Variants in CHTF18 observed in about 807,000 individuals in gnomAD.
CHTF18 encodes chromosome transmission fidelity protein 18 homolog.
Under a neutral mutation model 113.4 loss-of-function variants are expected in CHTF18, and 151 were observed. The observed-to-expected ratio is 1.33, with a 90% CI of 1.17 to 1.52. The LOEUF (loss-of-function observed/expected upper bound fraction) is 1.52, where lower values mean the gene tolerates loss of function less well. CHTF18 is among the 40% of genes most tolerant of loss of function. CHTF18 has a pLI of 0.00. For missense variants in CHTF18, 1,982 were observed against 1,381.6 expected, an observed-to-expected ratio of 1.43 and a Z score of -6.89; for synonymous variants, 916 against 598.8, an observed-to-expected ratio of 1.53 and a Z score of -7.74.
chr16:797,430 C>A (rs575805173), intron 20 of CHTF18, among the ~76,000 whole-genome samples: 17 of 152,214 alleles, frequency 1.1e-4, no homozygotes, highest in African/African-American at 3.4e-4. Context: ...CAGCTCCTTA[C>A]CCTCAGCATG....
At chr16:791,070 C>A in intron 7 of CHTF18, 91 bp from the exon 8 acceptor site, 1 of 1,514,154 alleles carries the variant, frequency 6.6e-7, no homozygotes, top group South Asian at 1.2e-5. Flanking sequence ...CTTGGCATCC[C>A]ATGGGGCATG....
rs1301752707 is a variant in CHTF18, at chr16:791,727, G to A, written c.1105-124G>A. 2.4e-5 allele frequency: 35 copies of A among 1,448,614 alleles called. No homozygotes were observed. The South Asian group carries it at 4.6e-4, about 19-fold the overall frequency. 89.7% of individuals were successfully genotyped at this position (1,448,614 alleles called of 1,614,324 possible). On this transcript the variant is annotated intron_variant, in intron 8 of 21. Transcript: ENST00000262315. ...AAAGTGCTCAATTTTGTTCTTATTT[G>A]ATGGCTGGAGTGGGGTGGAGGGAGC...
At chr16:794,733 C>A (rs953105578) in intron 15 of CHTF18, 2 of 245,440 alleles carry the variant, frequency 8.1e-6, no homozygotes, top group South Asian at 6.8e-5. Context: ...GACTCCCCCA[C>A]GGAACAGGGG....
rs1463885524 is a variant in CHTF18, at chr16:792,817, TGGAGCCCCA to T, written c.1572+13_1572+21del. On this transcript the variant is annotated splice_region_variant and intron_variant, in intron 12 of 21. Transcript: ENST00000262315. The stretch of plus-strand genomic sequence containing the variant: ...TGGTGCAGCGGCTCCAGGAGGTCGG[TGGAGCCCCA>T]GGAGCCGTGTGGCTGATGGCGGGGT... 1 of 1,539,678 alleles carries T rather than the reference TGGAGCCCCA, an allele frequency of 6.5e-7. No individual in the cohort carries two copies. The highest frequency in any genetic ancestry group is 8.7e-7 in the Non-Finnish European group (1 of 1,146,706).
In CHTF18 at chr16:788,628, C is replaced by A. The variant is rs1210892328; in HGVS notation, c.-57C>A. 1 of 1,373,264 alleles carries A rather than the reference C, an allele frequency of 7.3e-7. No homozygotes were observed. The highest frequency in any genetic ancestry group is 1.6e-5 in the South Asian group (1 of 64,354). The allele number at this position is 1,373,264 out of a possible 1,614,324, so 85.1% of individuals were successfully genotyped here. On this transcript the variant is annotated 5_prime_UTR_variant, in exon 1 of 22. Coordinates refer to ENST00000262315, the MANE Select transcript of CHTF18 (RefSeq NM_022092.3). The stretch of plus-strand genomic sequence containing the variant: ...CCCGGCACGCTCGGGGCGGGCAGTG[C>A]GCGACGGCGGCGGCGGCGCGGGAGG...
chr16:792,680 C>T, intron 11 of CHTF18, 38 bp from the exon 12 acceptor site: 6 of 1,583,404 alleles, frequency 3.8e-6, no homozygotes, highest in South Asian at 1.1e-5. Flanking sequence ...GGCTGTGGTG[C>T]CAACCCTGGG....
At position 795,808 on chromosome 16, in the gene CHTF18, G is replaced by A; in HGVS notation, c.2299G>A (p.Asp767Asn). Residue 767 changes from aspartate (D) to asparagine (N), a missense_variant, in exon 17 of 22, where the codon GAC (aspartate) becomes AAC (asparagine). Physicochemically the swap from Asp to Asn is conservative, Grantham distance 23. Coordinates refer to ENST00000262315, the MANE Select transcript of CHTF18 (RefSeq NM_022092.3). ...LLLDALCLLL[D>N]ILAPKLRPVS... ...CCTCGATGCCCTCTGCCTGCTCCTG[G>A]ACATTCTTGCACCCAAGCTCCGCCC... 1 of 1,609,954 alleles carries A rather than the reference G, an allele frequency of 6.2e-7. No homozygotes were observed. Among genetic ancestry groups the A allele is most frequent in the Non-Finnish European group, 8.5e-7 (1 of 1,179,048 alleles).
At chr16:793,321 C>A (rs561646862) in intron 14 of CHTF18, 47 bp downstream of exon 14, 2 of 1,593,480 alleles carry the variant, frequency 1.3e-6, no homozygotes, top group Non-Finnish European at 1.7e-6. Flanking sequence ...GGTGCCCGGA[C>A]CTCAGGACGC....
At chr16:790,839 G>A in intron 7 of CHTF18, 173 bp downstream of exon 7, 2 of 1,431,492 alleles carry the variant, frequency 1.4e-6, no homozygotes, top group Admixed American at 2.9e-5. Context: ...GTGTGCTACT[G>A]GTCCCCTGTG....
At position 795,112 on chromosome 16, in the gene CHTF18, G is replaced by C; in HGVS notation, c.1951-20G>C. The C allele has an allele frequency of 6.5e-7, 1 of 1,530,722 alleles. No individual in the cohort carries two copies. The highest frequency in any genetic ancestry group is 8.8e-7 in the Non-Finnish European group (1 of 1,136,452). The allele number at this position is 1,530,722 out of a possible 1,614,324, so 94.8% of individuals were successfully genotyped here. ...TTCCCTGGGGTGGGCAGGAGCTCAGGGGTTGCCGGCCGCCTGCAGGGCTTG... is the reference window on the plus strand; with the variant it reads ...TTCCCTGGGGTGGGCAGGAGCTCAGCGGTTGCCGGCCGCCTGCAGGGCTTG... On this transcript the variant is annotated intron_variant, in intron 15 of 21. Transcript: ENST00000262315.
Position 797,992 on chromosome 16 carries a change from C to A in CHTF18, c.*17C>A. 1 of 1,601,226 alleles carries A rather than the reference C, an allele frequency of 6.2e-7. No homozygotes were observed. The highest frequency in any genetic ancestry group is 8.5e-7 in the Non-Finnish European group (1 of 1,172,822). On this transcript the variant is annotated 3_prime_UTR_variant, in exon 22 of 22. Transcript: ENST00000262315. ...TTGCTCTAGTTCTCTGAGCCGCGGA[C>A]ATGCCCTCGCATTGCTTCCCGCAGA...
Position 792,364 on chromosome 16 carries a change from C to A in CHTF18, c.1326+17C>A. 6.4e-7 allele frequency: 1 copy of A among 1,559,032 alleles called. No homozygotes were observed. The highest frequency in any genetic ancestry group is 2.4e-5 in the East Asian group (1 of 41,286). ...GCCCCCGTGGTGGGCTCCTTGATGC[C>A]TGGGTAGGTGGGTGGGCGGGCAGGC... On this transcript the variant is annotated intron_variant, in intron 10 of 21. Transcript: ENST00000262315.
In CHTF18 at chr16:790,019, G is replaced by C. The variant is rs761085603; in HGVS notation, c.607-158G>C. The C allele has an allele frequency of 2.0e-5, 30 of 1,535,468 alleles. No homozygotes were observed. In the South Asian group the frequency reaches 3.6e-4, roughly 18 times the overall value. On this transcript the variant is annotated intron_variant, in intron 4 of 21. Transcript: ENST00000262315. ...TTTCCCTTTGCAGCTGACCCATCTG[G>C]ATGGCTTCATTCCTTTGGCACCCCT...
At chr16:790,003 G>T in intron 4 of CHTF18, 174 bp from the exon 5 acceptor site, 1 of 1,535,356 alleles carries the variant, frequency 6.5e-7, no homozygotes, top group Non-Finnish European at 8.7e-7. Flanking sequence ...ATTTCCCTTT[G>T]CAGCTGACCC....
Position 792,474 on chromosome 16 carries a change from C to T in CHTF18, c.1362C>T (p.Arg454=), listed in dbSNP as rs1278921301. ...ACGTCCTCCTGAGCATCCTGAACCG[C>T]AAGGGGCCACAGGAGGTGGGGCCAC... ...AINVLLSILN[R]KGPQEVGPQG... Residue 454 remains arginine (R), a synonymous_variant, in exon 11 of 22, where the codon CGC becomes CGT. Transcript: ENST00000262315. The T allele has an allele frequency of 6.3e-7, 1 of 1,582,624 alleles. No homozygotes were observed. The highest frequency in any genetic ancestry group is 8.6e-7 in the Non-Finnish European group (1 of 1,164,938).
At chr16:793,724 G>T (rs1048318165) in intron 14 of CHTF18, 10 of 646,456 alleles carry the variant, frequency 1.5e-5, no homozygotes, top group Admixed American at 1.5e-4. Flanking sequence ...TGGTCGTGCT[G>T]CAGGATATGG....
In CHTF18 at chr16:793,171, C is replaced by T. The variant is rs776793868; in HGVS notation, c.1699C>T (p.Leu567=). ...CCTGTACAGCCGGGGCCAGCGGGAG[C>T]TGAGCGTGCGGGACGTGCAGGCCAC... The part of the protein sequence containing the change: ...QFLYSRGQRE[L]SVRDVQATRV... The change falls in exon 14 of 22, where the codon CTG becomes TTG. Residue 567 remains leucine, a synonymous_variant. Coordinates refer to ENST00000262315, the MANE Select transcript of CHTF18 (RefSeq NM_022092.3). 2.2e-5 allele frequency: 36 copies of T among 1,606,334 alleles called. 1 individual carries two copies. The African/African-American group carries it at 3.9e-4, about 17-fold the overall frequency.
Position 792,549 on chromosome 16 carries a change from G to A in CHTF18, c.1437G>A (p.Gly479=), listed in dbSNP as rs749549285. ...GCGGCCGACGGCGCCGGGCAGAGGG[G>A]GGGCTCCTCATGAGGCCCATTATCT... The part of the protein sequence containing the change: ...SGGGRRRRAE[G]GLLMRPIICI... Residue 479 remains glycine, a synonymous_variant, in exon 11 of 22, where the codon GGG becomes GGA. Transcript: ENST00000262315. The A allele has an allele frequency of 1.9e-6, 3 of 1,596,656 alleles. No homozygotes were observed. The highest frequency in any genetic ancestry group is 1.4e-5 in the African/African-American group (1 of 73,776).
At chr16:793,892 C>T (rs573056344) in intron 14 of CHTF18, 162 bp from the exon 15 acceptor site, 109 of 737,260 alleles carry the variant, frequency 1.5e-4, no homozygotes, top group African/African-American at 1.2e-3. Flanking sequence ...GAGGTCCGGG[C>T]GTGTCTTTGG....
Sources: allele counts gnomAD v4.1 joint callset (sites outside exome capture counted in the v4.1 genomes callset), GRCh38; gene constraint gnomAD v4.1.1; transcripts MANE v1.5; gene names NCBI Gene and HGNC (gene_info 2026-07-23, HGNC 2026-07-21).